Variants in PREX1 observed in about 807,000 individuals in gnomAD.
PREX1 encodes the protein phosphatidylinositol-3,4,5-trisphosphate dependent Rac exchange factor 1.
A neutral mutation model predicts 198.3 loss-of-function variants in PREX1; 41 were observed. That is an observed-to-expected ratio of 0.21 (90% CI 0.16 to 0.27). PREX1 has a LOEUF of 0.27. Among genes scored for constraint, PREX1 ranks in the 10% least tolerant of loss-of-function variants. The pLI is 1.00. For missense variants in PREX1, 1,620 were observed against 2,200.7 expected, an observed-to-expected ratio of 0.74 and a Z score of 5.28; for synonymous variants, 843 against 887.2, an observed-to-expected ratio of 0.95 and a Z score of 0.89.
chr20:48,748,589 G>C (rs894803203), intron 1 of PREX1, among the ~76,000 whole-genome samples: 17 of 152,042 alleles, frequency 1.1e-4, no homozygotes, highest in Non-Finnish European at 1.9e-4. Flanking sequence ...CATCTCACAA[G>C]AAGCTTCCTT....
chr20:48,719,588 C>T (rs1463117513), intron 5 of PREX1, among the ~76,000 whole-genome samples: 1 of 152,132 alleles, frequency 6.6e-6, no homozygotes, highest in African/African-American at 2.4e-5. Context: ...TGCATAACAT[C>T]AGTCAGACAA....
intron 15 of PREX1, among the ~76,000 whole-genome samples, chr20:48,665,527 C>T (rs549935892): frequency 2.6e-5 from 4 of 152,008 alleles, no homozygotes; most frequent in Admixed American, 1.3e-4. Flanking sequence ...AGATGGCCTG[C>T]GTTCTAATCC....
intron 1 of PREX1, among the ~76,000 whole-genome samples, chr20:48,773,936 A>G (rs2090249153): frequency 6.6e-6 from 1 of 152,172 alleles, no homozygotes; most frequent in Admixed American, 6.5e-5. Context: ...GGATTTGACC[A>G]GGGTGGTGGT....
intron 33 of PREX1, 72 bp downstream of exon 33, chr20:48,634,604 T>G (rs1601029923): frequency 4.0e-6 from 6 of 1,485,874 alleles, no homozygotes; most frequent in East Asian, 2.3e-5. Flanking sequence ...AAGGACAGGG[T>G]GACCCCAGAG....
chr20:48,831,728 G>T (rs2090537512), upstream of PREX1, among the ~76,000 whole-genome samples: 1 of 152,170 alleles, frequency 6.6e-6, no homozygotes, highest in South Asian at 2.1e-4. Context: ...GGCCTGCAAG[G>T]GATGGGCCTG....
At chr20:48,665,314 C>A (rs1568812802) in intron 15 of PREX1, among the ~76,000 whole-genome samples, 3 of 150,494 alleles carry the variant, frequency 2.0e-5, no homozygotes, top group Non-Finnish European at 4.4e-5. Flanking sequence ...AATTCTAATC[C>A]TGGTTCCAGA....
chr20:48,707,838 A>C (rs1332978601), intron 6 of PREX1, among the ~76,000 whole-genome samples: 1 of 152,148 alleles, frequency 6.6e-6, no homozygotes, highest in African/African-American at 2.4e-5. Context: ...AAGTGATGAC[A>C]TTTGCCTAAA....
rs184950824 is a variant in PREX1, at chr20:48,743,131, G to A, written c.414+1894C>T. The stretch of plus-strand genomic sequence containing the variant: ...ACAGCCCCCTGCAGCAGGAATTGTC[G>A]TTACCCCCACTTTACAGAGTTGGAG... On this transcript the variant is annotated intron_variant, in intron 3 of 39. Coordinates refer to ENST00000371941, the MANE Select transcript of PREX1 (RefSeq NM_020820.4). Among the ~76,000 whole-genome samples the A allele has an allele frequency of 7.4e-4, 112 of 152,194 alleles. 1 individual carries two copies. Among genetic ancestry groups the A allele is most frequent in the African/African-American group, 2.5e-3 (102 of 41,530 alleles).
chr20:48,667,323 C>T (rs2089646983), intron 14 of PREX1, among the ~76,000 whole-genome samples: 1 of 152,190 alleles, frequency 6.6e-6, no homozygotes, highest in African/African-American at 2.4e-5. Context: ...GTCTCTAATA[C>T]TAGAAATCAA....
Position 48,625,623 on chromosome 20 carries a change from C to A in PREX1, c.*262G>T, listed in dbSNP as rs1181374208. ...AAGGCCAGGCACCAGCTGCTCCCAT[C>A]AGCTCTATGGGTCTCCAGCACCCCT... On this transcript the variant is annotated 3_prime_UTR_variant, in exon 40 of 40. Coordinates refer to ENST00000371941, the MANE Select transcript of PREX1 (RefSeq NM_020820.4). The A allele has an allele frequency of 1.1e-5, 5 of 444,562 alleles. No homozygotes were observed. The highest frequency in any genetic ancestry group is 2.0e-5 in the Non-Finnish European group (5 of 253,170). 27.5% of individuals were successfully genotyped at this position (444,562 alleles called of 1,614,324 possible). A position where few individuals can be genotyped will look rare whatever the true frequency, so the allele number is the denominator to read the frequency against.
chr20:48,850,145 G>T, the PREX1 span, among the ~76,000 whole-genome samples: 1 of 152,190 alleles, frequency 6.6e-6, no homozygotes, highest in East Asian at 1.9e-4. Context: ...AACAACCAAA[G>T]GGTGTTTGCC....
intron 6 of PREX1, 65 bp downstream of exon 6, chr20:48,708,195 T>C: frequency 6.4e-7 from 1 of 1,558,572 alleles, no homozygotes; most frequent in Non-Finnish European, 8.8e-7. Context: ...CCTCAGTTCA[T>C]GACTGCACCT....
chr20:48,716,775 C>T (rs1331974713), intron 5 of PREX1, among the ~76,000 whole-genome samples: 1 of 152,178 alleles, frequency 6.6e-6, no homozygotes, highest in Non-Finnish European at 1.5e-5. Context: ...GGACTTCCTA[C>T]GCAAACGCTG....
At chr20:48,765,523 T>G (rs1429116250) in intron 1 of PREX1, among the ~76,000 whole-genome samples, 1 of 152,150 alleles carries the variant, frequency 6.6e-6, no homozygotes, top group Non-Finnish European at 1.5e-5. Flanking sequence ...CAACACATAT[T>G]AAGTGCTTAC....
Position 48,769,892 on chromosome 20 carries a change from C to T in PREX1, c.220-22012G>A, listed in dbSNP as rs118185821. ...TTTCCTTGGCTGACACCTTCACTGT[C>T]TGTCTTCACTGCACACACGGTGAGG... On this transcript the variant is annotated intron_variant, in intron 1 of 39. Transcript: ENST00000371941. 2.4e-3 allele frequency among the ~76,000 whole-genome samples: 362 copies of T among 152,344 alleles called. 4 individuals carry two copies. In the East Asian group the frequency reaches 0.046, roughly 19 times the overall value.
chr20:48,701,025 A>G, intron 6 of PREX1, 139 bp from the exon 7 acceptor site: 2 of 1,173,924 alleles, frequency 1.7e-6, no homozygotes. Context: ...GAAAATCAAC[A>G]CAACGTGATT....
At chr20:48,786,286 TG>T (rs2090311942) in intron 1 of PREX1, among the ~76,000 whole-genome samples, 1 of 152,164 alleles carries the variant, frequency 6.6e-6, no homozygotes, top group Non-Finnish European at 1.5e-5. Context: ...TTTCAGGGCA[TG>T]TAGGTTTTGG....
intron 1 of PREX1, chr20:48,821,783 G>C (rs1289372753): frequency 6.6e-6 from 1 of 152,198 alleles, no homozygotes; most frequent in Admixed American, 6.5e-5. Flanking sequence ...CTCCAAGAAA[G>C]GGGTGCCCTG....
intron 7 of PREX1, among the ~76,000 whole-genome samples, chr20:48,699,966 C>T (rs2089865682): frequency 6.6e-6 from 1 of 152,186 alleles, no homozygotes. Context: ...TCCCTCCCTG[C>T]CTCCTTCTAC....
Sources: allele counts gnomAD v4.1 joint callset (sites outside exome capture counted in the v4.1 genomes callset), GRCh38; gene constraint gnomAD v4.1.1; transcripts MANE v1.5; gene names NCBI Gene and HGNC (gene_info 2026-07-23, HGNC 2026-07-21).